PSG4: variants seen among roughly 807,000 people sequenced by gnomAD.
The protein encoded by PSG4 is pregnancy specific beta-1-glycoprotein 4, also known as pregnancy-specific beta-1-glycoprotein 4.
A neutral mutation model predicts 44.3 loss-of-function variants in PSG4; 61 were observed. That is an observed-to-expected ratio of 1.38 (90% confidence interval 1.12 to 1.70). PSG4 has a LOEUF of 1.70. Ranked by LOEUF, PSG4 falls within the 40% of genes most tolerant of loss-of-function variation. The pLI, the probability that PSG4 is intolerant of heterozygous loss-of-function variation, is 0.00. For synonymous variants in PSG4, 248 were observed against 191.3 expected, an observed-to-expected ratio of 1.30 and a Z score of -2.45; for missense variants, 677 against 511.7, an observed-to-expected ratio of 1.32 and a Z score of -3.12.
chr19:43,203,028 A>C (rs892570567), intron 2 of PSG4: 1 of 145,680 alleles, frequency 6.9e-6, no homozygotes, highest in Admixed American at 6.8e-5. Flanking sequence ...TGGCAAATGG[A>C]CTGTGGCTTT....
Position 43,198,412 on chromosome 19 carries a change from A to C in PSG4, c.431-137T>G. On this transcript the variant is annotated intron_variant, in intron 2 of 5. Transcript: ENST00000405312. The stretch of plus-strand genomic sequence containing the variant: ...AAGCCCATGGAAGATGTGTGTGTTA[A>C]AGACAGATGCATGGCAATCTGAGAG... The C allele has an allele frequency of 2.2e-6, 3 of 1,391,300 alleles. No individual in the cohort carries two copies. In the South Asian group the frequency reaches 4.3e-5, roughly 20 times the overall value. The allele number at this position is 1,391,300 out of a possible 1,614,324, so 86.2% of individuals were successfully genotyped here.
At chr19:43,193,885 C>G (rs1599764147) in intron 5 of PSG4, 1 of 679,452 alleles carries the variant, frequency 1.5e-6, no homozygotes, top group East Asian at 2.6e-5. Context: ...CATATCAATA[C>G]TCATGAATAG....
chr19:43,205,401 T>C (rs1967738263), intron 1 of PSG4, 72 bp downstream of exon 1: 2 of 1,439,322 alleles, frequency 1.4e-6, no homozygotes, highest in Non-Finnish European at 1.9e-6. Flanking sequence ...CAGAACCCCA[T>C]CCTCTCCAGG....
In PSG4 at chr19:43,199,758, A is replaced by T. The variant is rs1048867510; in HGVS notation, c.431-1483T>A. ...GAGGAAACATTAAAATGTTTTCATA[A>T]GTGGAAACTTTTACTGATGATCCAG... On this transcript the variant is annotated intron_variant, in intron 2 of 5. Transcript: ENST00000405312. Among the ~76,000 whole-genome samples the T allele has an allele frequency of 7.5e-5, 11 of 145,922 alleles. 1 individual carries two copies. The highest frequency in any genetic ancestry group is 3.2e-3 in the Middle Eastern group (1 of 312).
Position 43,204,074 on chromosome 19 carries a change from G to T in PSG4, c.242C>A (p.Ser81Ter). The change falls in exon 2 of 6, where the codon TCA (serine) becomes TAA (stop). Residue 81 changes from serine (S) to a stop codon, truncating the protein, a stop_gained. Transcript: ENST00000405312. LOFTEE classifies it high-confidence loss of function. ...AATTCTTTGACCGTCTACTACATAT[G>T]ATGTAATGTAATGGTAGAGGTATGT... is the stretch of plus-strand genomic sequence containing the variant. ...QMTYLYHYIT[S>*]YVVDGQRIIY... is the part of the protein sequence containing the mutation. The T allele has an allele frequency of 6.3e-7, 1 of 1,585,778 alleles. No homozygotes were observed. Among genetic ancestry groups the T allele is most frequent in the South Asian group, 1.1e-5 (1 of 89,928 alleles).
chr19:43,198,181 G>A lies in PSG4; in HGVS notation c.525C>T (p.Ala175=), dbSNP rs748880731. 33 of 1,587,682 alleles carry A rather than the reference G, an allele frequency of 2.1e-5. 2 individuals are homozygous for A. The highest frequency in any genetic ancestry group is 5.7e-5 in the African/African-American group (4 of 69,572). ...CATTCATCCACCACTGGTAGCTTGC[G>A]GCTGGAGTCGCAGGATCACAGGTTA... ...VILTCDPATP[A]ASYQWWMNGQ... The change falls in exon 3 of 6, where the codon GCC becomes GCT. Residue 175 remains alanine, a synonymous_variant. Coordinates refer to ENST00000405312, the MANE Select transcript of PSG4 (RefSeq NM_002780.5).
chr19:43,204,459 T>C, intron 1 of PSG4: 1 of 734,882 alleles, frequency 1.4e-6, no homozygotes, highest in Non-Finnish European at 2.0e-6. Flanking sequence ...CCCCATTCCT[T>C]CAACACTTCT....
chr19:43,204,024 T>A lies in PSG4; in HGVS notation c.292A>T (p.Arg98Ter), dbSNP rs748293953. ...RIIYGPAYSG[R>*]ERVYSNASLL... is the part of the protein sequence containing the mutation. ...GATGCATTGGAATATACTCTTTCTC[T>A]TCCACTGTATGCAGGCCCATATATA... is the stretch of plus-strand genomic sequence containing the variant. Residue 98 changes from arginine to a stop codon, truncating the protein, a stop_gained, in exon 2 of 6, where the codon AGA becomes TGA. Coordinates refer to ENST00000405312, the MANE Select transcript of PSG4 (RefSeq NM_002780.5). LOFTEE classifies it high-confidence loss of function. 6.3e-7 allele frequency: 1 copy of A among 1,587,972 alleles called. No homozygotes were observed.
chr19:43,204,181 A>C lies in PSG4; in HGVS notation c.135T>G (p.Val45=), dbSNP rs756360220. The C allele has an allele frequency of 5.0e-6, 8 of 1,585,974 alleles. 1 individual carries two copies. The highest frequency in any genetic ancestry group is 1.4e-5 in the African/African-American group (1 of 69,388). Reference sequence around the variant, plus strand: ...GTAGAAGAACATCCTTCCCCTCAGAAACTTTGGGTGGCTGGGCTTCAATCG... The same window carrying C: ...GTAGAAGAACATCCTTCCCCTCAGACACTTTGGGTGGCTGGGCTTCAATCG... ...QVTIEAQPPK[V]SEGKDVLLLV... The change falls in exon 2 of 6, where the codon GTT becomes GTG. Residue 45 remains valine, a synonymous_variant. Coordinates refer to ENST00000405312, the MANE Select transcript of PSG4 (RefSeq NM_002780.5).
intron 2 of PSG4, among the ~76,000 whole-genome samples, chr19:43,199,731 T>G (rs1274395040): frequency 6.9e-6 from 1 of 145,568 alleles, no homozygotes; most frequent in African/African-American, 2.6e-5. Flanking sequence ...AAAAAAAATT[T>G]GGAGGAAACA....
rs774948848 is a variant in PSG4 at position 43,204,006 on chromosome 19, T to C, written c.310A>G (p.Asn104Asp). 12 of 1,587,900 alleles carry C rather than the reference T, an allele frequency of 7.6e-6. 1 individual carries two copies. In the South Asian group the frequency reaches 1.0e-4, roughly 13 times the overall value. The part of the protein sequence containing the change: ...AYSGRERVYS[N>D]ASLLIQNVTQ... Reference sequence around the variant, plus strand: ...ACATTCTGGATCAGCAGGGATGCATTGGAATATACTCTTTCTCTTCCACTG... The same window carrying C: ...ACATTCTGGATCAGCAGGGATGCATCGGAATATACTCTTTCTCTTCCACTG... The change falls in exon 2 of 6, where the codon AAT becomes GAT. Residue 104 changes from asparagine (N) to aspartate (D), a missense_variant. Transcript: ENST00000405312.
At chr19:43,193,987 A>G (rs192907394) in intron 5 of PSG4, 12 of 832,846 alleles carry the variant, frequency 1.4e-5, no homozygotes, top group African/African-American at 1.2e-4. Flanking sequence ...GCTACAAGCT[A>G]TAGATAGATT....
intron 3 of PSG4, among the ~76,000 whole-genome samples, chr19:43,195,599 T>C (rs1972534): frequency 0.25 from 37,044 of 151,064 alleles, 5,505 homozygotes; most frequent in East Asian, 0.55. Flanking sequence ...CTGGCTCACC[T>C]TGGGTTCCTT....
In PSG4 at chr19:43,203,978, G is replaced by A. The variant is rs757155974; in HGVS notation, c.338C>T (p.Thr113Met). ...SNASLLIQNV[T>M]QEDAGSYTLH... ...GGTGTAGGATCCTGCATCCTCCTGCGTGACATTCTGGATCAGCAGGGATGC... is the reference window on the plus strand; with the variant it reads ...GGTGTAGGATCCTGCATCCTCCTGCATGACATTCTGGATCAGCAGGGATGC... Residue 113 changes from threonine (T) to methionine (M), a missense_variant, in exon 2 of 6, where the codon ACG becomes ATG. Coordinates refer to ENST00000405312, the MANE Select transcript of PSG4 (RefSeq NM_002780.5). 118 of 1,587,632 alleles carry A rather than the reference G, an allele frequency of 7.4e-5. 10 individuals are homozygous for A. Among genetic ancestry groups the A allele is most frequent in the Middle Eastern group, 1.7e-4 (1 of 5,990 alleles).
rs1431805952 is a variant in PSG4, at chr19:43,203,572, C to G, written c.430+314G>C. 6 of 369,836 alleles carry G rather than the reference C, an allele frequency of 1.6e-5. No individual in the cohort carries two copies. In the South Asian group the frequency reaches 1.9e-4, roughly 12 times the overall value. 22.9% of individuals were successfully genotyped at this position (369,836 alleles called of 1,614,324 possible). A position where few individuals can be genotyped will look rare whatever the true frequency, so the allele number is the denominator to read the frequency against. ...CCTCAGGCCAGCCCTACTCAGTTCTCCAGGGTCTTTGTCAGCGTCAAATTT... is the reference window on the plus strand; with the variant it reads ...CCTCAGGCCAGCCCTACTCAGTTCTGCAGGGTCTTTGTCAGCGTCAAATTT... On this transcript the variant is annotated intron_variant, in intron 2 of 5. Transcript: ENST00000405312.
chr19:43,195,633 C>G (rs1299777766), intron 3 of PSG4, among the ~76,000 whole-genome samples: 2 of 151,420 alleles, frequency 1.3e-5, no homozygotes, highest in Non-Finnish European at 2.9e-5. Flanking sequence ...AACTACTGGG[C>G]CCCTTCCAAA....
intron 5 of PSG4, 50 bp downstream of exon 5, chr19:43,194,290 G>T (rs773589498): frequency 6.2e-7 from 1 of 1,611,350 alleles, no homozygotes; most frequent in Admixed American, 1.7e-5. Flanking sequence ...CTGAATGCCA[G>T]ATAGACTCCA....
intron 3 of PSG4, among the ~76,000 whole-genome samples, chr19:43,197,365 A>C (rs141216022): frequency 0.016 from 2,355 of 145,650 alleles, 437 homozygotes; most frequent in African/African-American, 0.059. Context: ...CCTCTTGATT[A>C]TGAGATTTGT....
At chr19:43,196,978 C>G (rs1298473943) in intron 3 of PSG4, among the ~76,000 whole-genome samples, 1 of 146,566 alleles carries the variant, frequency 6.8e-6, no homozygotes. Flanking sequence ...AATGAAATGT[C>G]TTTCCATATA....
Sources: gnomAD v4.1 joint callset for allele counts (sites outside exome capture counted in the v4.1 genomes callset) on GRCh38, gnomAD v4.1.1 for gene constraint, MANE v1.5 for transcripts, NCBI Gene and HGNC (gene_info 2026-07-23, HGNC 2026-07-21) for gene names.